Variants in TECRL observed in about 807,000 individuals in gnomAD.
TECRL encodes trans-2,3-enoyl-CoA reductase-like.
In TECRL, 63 loss-of-function variants were observed where a neutral mutation model predicts 52.8. The ratio of observed to expected loss-of-function variants is 1.19; its 90% CI spans 0.97 to 1.47. TECRL has a LOEUF of 1.47. Ranked by LOEUF, TECRL falls within the 40% of genes most tolerant of loss-of-function variation. The pLI, the probability that TECRL is intolerant of heterozygous loss-of-function variation, is 0.00. For missense variants in TECRL, 482 were observed against 429.6 expected (o/e 1.12, Z -1.08); for synonymous variants, 164 against 141.9 (o/e 1.16, Z -1.10).
At chr4:64,345,034 G>A (rs544902505) in intron 2 of TECRL, among the ~76,000 whole-genome samples, 59 of 152,172 alleles carry the variant, frequency 3.9e-4, no homozygotes, top group Non-Finnish European at 6.5e-4. Flanking sequence ...TTAGAATGGC[G>A]ATCATTAAAA....
intron 1 of TECRL, among the ~76,000 whole-genome samples, chr4:64,394,473 G>A (rs1723784814): frequency 6.6e-6 from 1 of 152,080 alleles, no homozygotes; most frequent in Non-Finnish European, 1.5e-5. Flanking sequence ...GGCAGCCAAA[G>A]GTACTAGTCC....
At chr4:64,306,220 A>G (rs1724328207) in intron 6 of TECRL, among the ~76,000 whole-genome samples, 1 of 152,156 alleles carries the variant, frequency 6.6e-6, no homozygotes. Context: ...GACTCAAAAG[A>G]CAAGCTTACC....
At chr4:64,295,611 C>T (rs1402214766) in intron 8 of TECRL, among the ~76,000 whole-genome samples, 1 of 151,608 alleles carries the variant, frequency 6.6e-6, no homozygotes, top group African/African-American at 2.4e-5. Context: ...AGTTTACATA[C>T]ACTAACTCTG....
At chr4:64,377,387 G>T (rs560810767) in intron 1 of TECRL, among the ~76,000 whole-genome samples, 11 of 152,142 alleles carry the variant, frequency 7.2e-5, no homozygotes, top group African/African-American at 2.6e-4. Context: ...AAGAGCTTCT[G>T]ATGACTAAAT....
At chr4:64,351,716 T>C (rs747464356) in intron 2 of TECRL, among the ~76,000 whole-genome samples, 8 of 152,220 alleles carry the variant, frequency 5.3e-5, no homozygotes, top group Non-Finnish European at 8.8e-5. Context: ...ATGTAAATTA[T>C]TATGAATTGA....
At chr4:64,376,499 ATT>A (rs1200598345) in intron 1 of TECRL, among the ~76,000 whole-genome samples, 1 of 151,918 alleles carries the variant, frequency 6.6e-6, no homozygotes, top group African/African-American at 2.4e-5. Context: ...ATATATTTTA[ATT>A]TTGGTTATTA....
intron 6 of TECRL, among the ~76,000 whole-genome samples, chr4:64,306,406 C>G (rs114157919): frequency 0.012 from 1,863 of 152,294 alleles, 23 homozygotes; most frequent in Non-Finnish European, 0.019. Context: ...GGCCTTTGGA[C>G]TGGCTCCAGT....
intron 2 of TECRL, among the ~76,000 whole-genome samples, chr4:64,360,917 T>G (rs1255636376): frequency 6.6e-6 from 1 of 152,124 alleles, no homozygotes; most frequent in Non-Finnish European, 1.5e-5. Context: ...CGCAGAAGGT[T>G]TGGTGCAGGA....
chr4:64,292,996 A>G (rs2109955852), intron 8 of TECRL, among the ~76,000 whole-genome samples: 1 of 152,196 alleles, frequency 6.6e-6, no homozygotes, highest in East Asian at 1.9e-4. Flanking sequence ...AAGCAAATTT[A>G]AAAATATTTA....
At chr4:64,277,674 T>A (rs1255685716), downstream of TECRL, 8 of 151,812 alleles carry the variant, frequency 5.3e-5, no homozygotes. Context: ...TATGTATATA[T>A]TGTCATATAT....
intron 1 of TECRL, among the ~76,000 whole-genome samples, chr4:64,389,470 C>T (rs1377482312): frequency 1.3e-5 from 2 of 151,914 alleles, no homozygotes; most frequent in African/African-American, 2.4e-5. Context: ...ATAAATCCCA[C>T]GTGGTTGCAA....
intron 1 of TECRL, among the ~76,000 whole-genome samples, chr4:64,393,032 G>C (rs1407358706): frequency 3.3e-5 from 5 of 151,926 alleles, no homozygotes; most frequent in Admixed American, 6.6e-5. Flanking sequence ...TGGTGCTGTA[G>C]TATCATTTGT....
intron 4 of TECRL, among the ~76,000 whole-genome samples, chr4:64,316,378 T>C (rs1437393846): frequency 6.6e-6 from 1 of 152,118 alleles, no homozygotes; most frequent in African/African-American, 2.4e-5. Flanking sequence ...TTATAAAGAA[T>C]ATTTTTCTGC....
At position 64,279,845 on chromosome 4, in the gene TECRL, T is replaced by C; in HGVS notation, c.*227A>G. ...CAATTTTATTCAAGGACCAATCCCA[T>C]GCAAATACATTCAGAGCTGTTCTTA... is the stretch of plus-strand genomic sequence containing the variant. On this transcript the variant is annotated 3_prime_UTR_variant, in exon 12 of 12. Transcript: ENST00000381210. 9.4e-7 allele frequency: 1 copy of C among 1,062,412 alleles called. No individual in the cohort carries two copies. The highest frequency in any genetic ancestry group is 1.1e-6 in the Non-Finnish European group (1 of 880,322). 65.8% of individuals were successfully genotyped at this position (1,062,412 alleles called of 1,614,324 possible). A position where few individuals can be genotyped will look rare whatever the true frequency, so the allele number is the denominator to read the frequency against.
At chr4:64,318,330 G>T (rs1214291620) in intron 4 of TECRL, among the ~76,000 whole-genome samples, 47 of 152,018 alleles carry the variant, frequency 3.1e-4, no homozygotes, top group Admixed American at 3.1e-3. Context: ...GAGATTTTCA[G>T]ATATGTAAAA....
chr4:64,314,291 G>A (rs1222469264), intron 5 of TECRL, among the ~76,000 whole-genome samples: 1 of 151,734 alleles, frequency 6.6e-6, no homozygotes, highest in Non-Finnish European at 1.5e-5. Context: ...TATTTTTAGG[G>A]AAGCATTTGT....
intron 9 of TECRL, among the ~76,000 whole-genome samples, chr4:64,282,114 A>C (rs1367793533): frequency 6.6e-6 from 1 of 151,976 alleles, no homozygotes; most frequent in African/African-American, 2.4e-5. Context: ...ATTCTGAGAT[A>C]CCACGTTTCT....
chr4:64,407,039 C>CT (rs1724779209), intron 1 of TECRL, among the ~76,000 whole-genome samples: 1 of 151,342 alleles, frequency 6.6e-6, no homozygotes, highest in Non-Finnish European at 1.5e-5. Flanking sequence ...ATCTAGAAGA[C>CT]TTTTTTCTCT....
intron 2 of TECRL, among the ~76,000 whole-genome samples, chr4:64,353,716 A>G (rs1486948168): frequency 6.6e-6 from 1 of 152,196 alleles, no homozygotes; most frequent in Non-Finnish European, 1.5e-5. Context: ...AGTTCTGGGA[A>G]TCAGTTAGTT....
Sources: allele counts gnomAD v4.1 joint callset (sites outside exome capture counted in the v4.1 genomes callset), GRCh38; gene constraint gnomAD v4.1.1; transcripts MANE v1.5; gene names NCBI Gene and HGNC (gene_info 2026-07-23, HGNC 2026-07-21).